The following ZFAND3 variants were observed in gnomAD, a reference collection of about 807,000 sequenced individuals.
ZFAND3 encodes the protein zinc finger AN1-type containing 3.
Under a neutral mutation model 29.6 loss-of-function variants are expected in ZFAND3, and 10 were observed. The ratio of observed to expected loss-of-function variants is 0.34; its 90% confidence interval spans 0.21 to 0.57. ZFAND3 has a LOEUF of 0.57. Among genes scored for constraint, ZFAND3 ranks in the 20% least tolerant of loss-of-function variants. The pLI is 0.86. For synonymous variants in ZFAND3, 128 were observed against 112.6 expected (o/e 1.14, Z -0.87); for missense variants, 230 against 304.5 (o/e 0.76, Z 1.82).
At chr6:37,944,103 AT>A (rs1335126904) in intron 2 of ZFAND3, among the ~76,000 whole-genome samples, 2 of 152,190 alleles carry the variant, frequency 1.3e-5, no homozygotes, top group Admixed American at 1.3e-4. Flanking sequence ...CAGTTGTCAA[AT>A]TTTTGTGTAT....
At chr6:38,062,664 G>C (rs1764264258) in intron 3 of ZFAND3, 1 of 152,136 alleles carries the variant, frequency 6.6e-6, no homozygotes, top group African/African-American at 2.4e-5. Flanking sequence ...GAGCCACCAT[G>C]CCCAGCCCAT....
chr6:38,135,871 G>A (rs1454350600), intron 5 of ZFAND3, among the ~76,000 whole-genome samples: 1 of 152,186 alleles, frequency 6.6e-6, no homozygotes, highest in Non-Finnish European at 1.5e-5. Flanking sequence ...CTGCCCTTGA[G>A]CCTGCAGTCC....
At chr6:38,074,577 G>C (rs1201187208) in intron 3 of ZFAND3, among the ~76,000 whole-genome samples, 1 of 152,198 alleles carries the variant, frequency 6.6e-6, no homozygotes, top group Non-Finnish European at 1.5e-5. Context: ...AAGAAAAGAA[G>C]CCATCTCCAT....
intron 2 of ZFAND3, among the ~76,000 whole-genome samples, chr6:37,965,139 A>G (rs550792434): frequency 3.9e-5 from 6 of 152,372 alleles, no homozygotes; most frequent in Admixed American, 3.9e-4. Flanking sequence ...CACCAATTGT[A>G]AAGACATAAA....
chr6:37,828,841 G>A (rs1397812430), intron 1 of ZFAND3, among the ~76,000 whole-genome samples: 2 of 151,952 alleles, frequency 1.3e-5, no homozygotes, highest in African/African-American at 4.8e-5. Flanking sequence ...TAGTAGAGAC[G>A]GGGTTTCACC....
chr6:38,143,771 A>G (rs1481648459), intron 5 of ZFAND3, among the ~76,000 whole-genome samples: 1 of 144,186 alleles, frequency 6.9e-6, no homozygotes, highest in Non-Finnish European at 1.5e-5. Context: ...GCAGAGCACT[A>G]TGTCAGCCAA....
In ZFAND3 at chr6:37,867,310, C is replaced by T. The variant is rs1237694134; in HGVS notation, c.71+47294C>T. Among the ~76,000 whole-genome samples, 6 of 151,912 alleles carry T rather than the reference C, an allele frequency of 3.9e-5. 1 individual carries two copies. The highest frequency in any genetic ancestry group is 9.7e-5 in the African/African-American group (4 of 41,232). ...TGAAGGCAACATTTATATTTTCGTG[C>T]GTGAAAAATTCATATGAATCACAGA... On this transcript the variant is annotated intron_variant, in intron 1 of 5. Transcript: ENST00000287218.
At chr6:37,864,738 T>TATAC (rs1439917641) in intron 1 of ZFAND3, among the ~76,000 whole-genome samples, 3 of 148,876 alleles carry the variant, frequency 2.0e-5, no homozygotes, top group Non-Finnish European at 4.5e-5. Context: ...TATGTGGTTA[T>TATAC]ACACACACAC....
At chr6:38,119,659 G>A (rs1398642367) in intron 5 of ZFAND3, among the ~76,000 whole-genome samples, 2 of 152,176 alleles carry the variant, frequency 1.3e-5, no homozygotes, top group Non-Finnish European at 2.9e-5. Flanking sequence ...CAGGGAAGAC[G>A]CTCCAAAGGG....
intron 2 of ZFAND3, among the ~76,000 whole-genome samples, chr6:37,984,093 A>C (rs905687178): frequency 2.0e-5 from 3 of 152,208 alleles, no homozygotes; most frequent in African/African-American, 4.8e-5. Flanking sequence ...GTGGTAAACT[A>C]TCTGGATGAT....
chr6:37,949,421 G>A (rs1341096572), intron 2 of ZFAND3, among the ~76,000 whole-genome samples: 3 of 151,990 alleles, frequency 2.0e-5, no homozygotes, highest in Non-Finnish European at 2.9e-5. Flanking sequence ...TGTGTGTGGG[G>A]GGGTCTCTCC....
At chr6:38,089,153 C>T (rs538155824) in intron 4 of ZFAND3, among the ~76,000 whole-genome samples, 1 of 151,850 alleles carries the variant, frequency 6.6e-6, no homozygotes, top group African/African-American at 2.4e-5. Flanking sequence ...CTTGCTTTGT[C>T]ACCCAGGCTG....
At chr6:38,004,450 C>T (rs1280825487) in intron 2 of ZFAND3, among the ~76,000 whole-genome samples, 3 of 150,024 alleles carry the variant, frequency 2.0e-5, no homozygotes, top group Non-Finnish European at 3.0e-5. Flanking sequence ...TCCCCTCTCC[C>T]CCTTCCCCTC....
At chr6:37,935,984 T>A (rs1174623725) in intron 2 of ZFAND3, among the ~76,000 whole-genome samples, 1 of 152,190 alleles carries the variant, frequency 6.6e-6, no homozygotes, top group Non-Finnish European at 1.5e-5. Flanking sequence ...CTGCCTATGG[T>A]ATTTTTTTTT....
intron 3 of ZFAND3, among the ~76,000 whole-genome samples, chr6:38,076,163 G>A (rs1764549728): frequency 6.6e-6 from 1 of 152,086 alleles, no homozygotes; most frequent in Non-Finnish European, 1.5e-5. Flanking sequence ...CTAGCAAGAA[G>A]AGTATGAATC....
intron 1 of ZFAND3, among the ~76,000 whole-genome samples, chr6:37,899,945 A>G (rs921022671): frequency 1.3e-5 from 2 of 152,146 alleles, no homozygotes; most frequent in Admixed American, 6.5e-5. Context: ...TATACATACT[A>G]TTCAGCTTCT....
At position 38,152,545 on chromosome 6, in the gene ZFAND3, G is replaced by A. The variant is rs1562019677; in HGVS notation, c.*156G>A. The A allele has an allele frequency of 2.3e-6, 3 of 1,305,336 alleles. No individual in the cohort carries two copies. In the African/African-American group the frequency reaches 4.5e-5, roughly 20 times the overall value. 80.9% of individuals were successfully genotyped at this position (1,305,336 alleles called of 1,614,324 possible). ...CAGCCATCCTGGTACTGTAGTTTAG[G>A]GGTTGATGGTGGTTGAAATTGATTT... On this transcript the variant is annotated 3_prime_UTR_variant, in exon 6 of 6. Coordinates refer to ENST00000287218, the MANE Select transcript of ZFAND3 (RefSeq NM_021943.3).
At chr6:37,886,406 C>T (rs1042455264) in intron 1 of ZFAND3, among the ~76,000 whole-genome samples, 3 of 152,118 alleles carry the variant, frequency 2.0e-5, no homozygotes, top group Admixed American at 6.5e-5. Flanking sequence ...CTCTGGGCCT[C>T]AGTTTTCTGT....
At chr6:38,051,952 A>G (rs1764036062) in intron 2 of ZFAND3, among the ~76,000 whole-genome samples, 1 of 152,236 alleles carries the variant, frequency 6.6e-6, no homozygotes, top group Non-Finnish European at 1.5e-5. Context: ...TGCACAATAA[A>G]TGCTGTATAG....
Sources: allele counts gnomAD v4.1 joint callset (sites outside exome capture counted in the v4.1 genomes callset), GRCh38; gene constraint gnomAD v4.1.1; transcripts MANE v1.5; gene names NCBI Gene and HGNC (gene_info 2026-07-23, HGNC 2026-07-21).